The following WWOX variants were observed in gnomAD, a reference collection of about 807,000 sequenced individuals.
The protein encoded by WWOX is WW domain-containing oxidoreductase.
A neutral mutation model predicts 46.2 loss-of-function variants in WWOX; 69 were observed. The observed-to-expected ratio is 1.49, with a 90% CI of 1.23 to 1.82. The LOEUF (loss-of-function observed/expected upper bound fraction) is 1.82, where lower values mean the gene tolerates loss of function less well. Ranked by LOEUF, WWOX falls within the 40% of genes most tolerant of loss-of-function variation. The probability of loss-of-function intolerance (pLI) is 0.00; values close to 1 mark genes in which losing one functional copy is unlikely to be tolerated. For missense variants in WWOX, 919 were observed against 542.6 expected (o/e 1.69, Z -6.89); for synonymous variants, 359 against 202.6 (o/e 1.77, Z -6.56).
At chr16:79,153,723 T>G (rs2050326347) in intron 8 of WWOX, among the ~76,000 whole-genome samples, 2 of 152,308 alleles carry the variant, frequency 1.3e-5, no homozygotes, top group East Asian at 1.9e-4. Context: ...TAAAGGTTAG[T>G]GAAAGCAACC....
intron 8 of WWOX, among the ~76,000 whole-genome samples, chr16:79,111,680 C>G (rs1219770937): frequency 6.6e-6 from 1 of 152,156 alleles, no homozygotes; most frequent in African/African-American, 2.4e-5. Flanking sequence ...GGCAAATCAG[C>G]ATGGGTAATG....
chr16:78,140,857 G>C (rs945074761), intron 4 of WWOX, among the ~76,000 whole-genome samples: 1 of 152,152 alleles, frequency 6.6e-6, no homozygotes, highest in African/African-American at 2.4e-5. Context: ...TGCTATAAAA[G>C]AGATGTTGCT....
chr16:78,516,685 T>G (rs1383892326), intron 8 of WWOX, among the ~76,000 whole-genome samples: 4 of 152,214 alleles, frequency 2.6e-5, no homozygotes, highest in East Asian at 3.9e-4. Flanking sequence ...GTATATACTT[T>G]TGCACAGGCA....
At chr16:78,716,297 CT>C (rs1321019025) in intron 8 of WWOX, among the ~76,000 whole-genome samples, 2 of 152,032 alleles carry the variant, frequency 1.3e-5, no homozygotes, top group African/African-American at 4.8e-5. Context: ...AGGAAGCATC[CT>C]CCCCTCCAGC....
At chr16:78,310,483 G>C (rs1366771929) in intron 5 of WWOX, among the ~76,000 whole-genome samples, 1 of 152,188 alleles carries the variant, frequency 6.6e-6, no homozygotes, top group South Asian at 2.1e-4. Flanking sequence ...CCAGATTGAT[G>C]CCTTTGGCTG....
intron 8 of WWOX, among the ~76,000 whole-genome samples, chr16:78,539,407 A>G (rs2667632): frequency 0.84 from 127,846 of 152,220 alleles, 54,463 homozygotes; most frequent in East Asian, 1. Flanking sequence ...GAAAACATAC[A>G]GCATTATTTT....
intron 8 of WWOX, among the ~76,000 whole-genome samples, chr16:79,034,901 A>T (rs2047836060): frequency 1.3e-5 from 2 of 152,196 alleles, no homozygotes; most frequent in Non-Finnish European, 2.9e-5. Context: ...ATGGAATTAT[A>T]GCATTAAATA....
chr16:78,207,269 C>A (rs190942559), intron 5 of WWOX, among the ~76,000 whole-genome samples: 1 of 152,176 alleles, frequency 6.6e-6, no homozygotes, highest in Non-Finnish European at 1.5e-5. Context: ...GCTGTTTCCT[C>A]ATTTTTAAAT....
intron 8 of WWOX, chr16:78,899,388 C>T (rs1418020192): frequency 1.3e-5 from 2 of 152,190 alleles, no homozygotes; most frequent in Non-Finnish European, 2.9e-5. Flanking sequence ...AATCTTTGAA[C>T]TTCCTAGAAA....
intron 4 of WWOX, among the ~76,000 whole-genome samples, chr16:78,130,476 C>T (rs1385089236): frequency 2.6e-5 from 4 of 152,174 alleles, no homozygotes; most frequent in Non-Finnish European, 4.4e-5. Context: ...TTAAGCCACT[C>T]GGTCCATGAT....
chr16:78,260,567 C>G (rs923195090), intron 5 of WWOX, among the ~76,000 whole-genome samples: 1 of 151,332 alleles, frequency 6.6e-6, no homozygotes, highest in Non-Finnish European at 1.5e-5. Flanking sequence ...ACTTGGGAGG[C>G]TGAGGCAGGA....
At chr16:79,100,948 G>A (rs1301457941) in intron 8 of WWOX, among the ~76,000 whole-genome samples, 4 of 151,976 alleles carry the variant, frequency 2.6e-5, no homozygotes, top group East Asian at 3.9e-4. Context: ...TAGGCGTAAC[G>A]TCTTTGGTAA....
chr16:78,994,792 A>C (rs2046954469), intron 8 of WWOX, among the ~76,000 whole-genome samples: 1 of 152,122 alleles, frequency 6.6e-6, no homozygotes, highest in Non-Finnish European at 1.5e-5. Context: ...GGTACGACAA[A>C]GAGCAGGGTT....
At chr16:78,616,727 C>G (rs763315813) in intron 8 of WWOX, among the ~76,000 whole-genome samples, 3 of 151,932 alleles carry the variant, frequency 2.0e-5, no homozygotes, top group East Asian at 1.9e-4. Context: ...GATGGTGCCA[C>G]TGCACTCCTG....
At chr16:78,255,419 G>C (rs2038101014) in intron 5 of WWOX, among the ~76,000 whole-genome samples, 1 of 152,202 alleles carries the variant, frequency 6.6e-6, no homozygotes, top group South Asian at 2.1e-4. Context: ...AATTCCGCTG[G>C]ATAAATTAGC....
chr16:78,200,007 C>T (rs1567422471), intron 5 of WWOX, among the ~76,000 whole-genome samples: 1 of 152,176 alleles, frequency 6.6e-6, no homozygotes, highest in Non-Finnish European at 1.5e-5. Context: ...TCACCAAGGA[C>T]CTGGTAGTCA....
chr16:78,554,842 G>C (rs952652967), intron 8 of WWOX, among the ~76,000 whole-genome samples: 3 of 152,198 alleles, frequency 2.0e-5, no homozygotes, highest in Non-Finnish European at 4.4e-5. Context: ...TGGTGGCCCA[G>C]TGCTTTCTGA....
intron 8 of WWOX, among the ~76,000 whole-genome samples, chr16:79,112,726 A>T (rs2049440777): frequency 6.6e-6 from 1 of 152,184 alleles, no homozygotes; most frequent in African/African-American, 2.4e-5. Context: ...TATTGCCTAG[A>T]ATATAGAGTC....
chr16:78,646,069 G>A (rs1294791560), intron 8 of WWOX, among the ~76,000 whole-genome samples: 1 of 152,002 alleles, frequency 6.6e-6, no homozygotes, highest in Non-Finnish European at 1.5e-5. Flanking sequence ...TCTTCCTTGG[G>A]TAACTGCGCA....
Sources: allele counts gnomAD v4.1 joint callset (sites outside exome capture counted in the v4.1 genomes callset), GRCh38; gene constraint gnomAD v4.1.1; transcripts MANE v1.5; gene names NCBI Gene and HGNC (gene_info 2026-07-23, HGNC 2026-07-21).